ASMT: variants seen among roughly 807,000 people sequenced by gnomAD.
The protein encoded by ASMT is acetylserotonin N-methyltransferase.
In ASMT, 53 loss-of-function variants were observed where a neutral mutation model predicts 41.3. The ratio of observed to expected loss-of-function variants is 1.28; its 90% CI spans 1.03 to 1.61. The LOEUF (loss-of-function observed/expected upper bound fraction) is 1.61. Among genes scored for constraint, ASMT ranks in the 40% most tolerant of loss-of-function variants. The pLI, the probability that ASMT is intolerant of heterozygous loss-of-function variation, is 0.00. For synonymous variants in ASMT, 231 were observed against 184.8 expected (o/e 1.25, Z -2.03); for missense variants, 531 against 441.3 (o/e 1.20, Z -1.82).
chrX:1,637,009 A>T (rs1273687669), intron 8 of ASMT, among the ~76,000 whole-genome samples: 7 of 50,708 alleles, frequency 1.4e-4, no homozygotes, highest in Non-Finnish European at 2.1e-4. Flanking sequence ...TGTGATGGGG[A>T]CAGTGTCCCA....
intron 7 of ASMT, among the ~76,000 whole-genome samples, chrX:1,635,719 G>A (rs1472221343): frequency 8.6e-4 from 130 of 151,668 alleles, no homozygotes; most frequent in South Asian, 1.3e-3. Flanking sequence ...AAAATTAGCC[G>A]GGCGTGGTGG....
At chrX:1,627,404 C>T (rs1248679139) in intron 3 of ASMT, among the ~76,000 whole-genome samples, 2 of 151,820 alleles carry the variant, frequency 1.3e-5, no homozygotes, top group East Asian at 1.9e-4. Flanking sequence ...GGTGGATCAC[C>T]TGAGGTCACG....
At chrX:1,629,758 A>G in intron 4 of ASMT, 63 bp from the exon 5 acceptor site, 1 of 1,472,228 alleles carries the variant, frequency 6.8e-7, no homozygotes, top group African/African-American at 1.4e-5. Context: ...GGTTATGTAC[A>G]CCCTTGCTCT....
intron 2 of ASMT, 83 bp from the exon 3 acceptor site, chrX:1,624,186 C>T (rs1455396300): frequency 1.1e-4 from 175 of 1,533,444 alleles, no homozygotes; most frequent in Non-Finnish European, 1.5e-4. Context: ...GTTGAAATCA[C>T]GATGTTGTCG....
chrX:1,631,568 GGATA>G (rs1934777407), intron 5 of ASMT, among the ~76,000 whole-genome samples: 1 of 152,084 alleles, frequency 6.6e-6, no homozygotes, highest in Non-Finnish European at 1.5e-5. Flanking sequence ...CTGTGAGCAG[GGATA>G]GATAGAGTTC....
In ASMT at chrX:1,625,589, AAAGT is replaced by A. The variant is rs1367095532; in HGVS notation, c.374+1195_374+1198del. 6.6e-5 allele frequency among the ~76,000 whole-genome samples: 10 copies of A among 150,858 alleles called. No individual in the cohort carries two copies. In the South Asian group the frequency reaches 2.1e-3, roughly 32 times the overall value. On this transcript the variant is annotated intron_variant, in intron 3 of 8. Coordinates refer to ENST00000381241, the MANE Select transcript of ASMT (RefSeq NM_001171038.2). ...GGGAGGGAAAGAAGGGAAATAATGG[AAAGT>A]AAGAGAAAGAAAGAGAAGGAAGGAA...
In ASMT at chrX:1,627,773, TAACA is replaced by T; in HGVS notation, c.443+3_443+6del. On this transcript the variant is annotated splice_donor_5th_base_variant and intron_variant, in intron 4 of 8. Coordinates refer to ENST00000381241, the MANE Select transcript of ASMT (RefSeq NM_001171038.2). ...AGAGCTTTTTACGGCCATCTACAGGTAACACCCATCACTTTGAAACCAACAACTC... is the reference window on the plus strand; with the variant it reads ...AGAGCTTTTTACGGCCATCTACAGGTCCCATCACTTTGAAACCAACAACTC... 1.9e-6 allele frequency: 3 copies of T among 1,613,598 alleles called. No homozygotes were observed.
chrX:1,628,763 C>T (rs1440973075), intron 4 of ASMT, among the ~76,000 whole-genome samples: 2 of 150,970 alleles, frequency 1.3e-5, no homozygotes, highest in African/African-American at 4.9e-5. Flanking sequence ...CTCTTCTTCC[C>T]TCTCTCCTTT....
intron 1 of ASMT, among the ~76,000 whole-genome samples, chrX:1,616,992 G>A (rs1184521916): frequency 6.6e-6 from 1 of 152,094 alleles, no homozygotes; most frequent in Non-Finnish European, 1.5e-5. Context: ...ACAGGCGTGA[G>A]CCACTGTGCC....
In ASMT at chrX:1,621,554, G is replaced by C. The variant is rs1178762973; in HGVS notation, c.70-1585G>C. ...GTTAGCCCTGAACTCCTGACCTCAG[G>C]TGATCCGCCCACCTCGGCCTCCCAG... On this transcript the variant is annotated intron_variant, in intron 1 of 8. Coordinates refer to ENST00000381241, the MANE Select transcript of ASMT (RefSeq NM_001171038.2). 4.6e-5 allele frequency among the ~76,000 whole-genome samples: 7 copies of C among 152,104 alleles called. 1 individual carries two copies. The highest frequency in any genetic ancestry group is 1.7e-4 in the African/African-American group (7 of 41,516).
intron 7 of ASMT, 142 bp downstream of exon 7, chrX:1,633,432 C>A: frequency 1.1e-6 from 1 of 933,362 alleles, no homozygotes; most frequent in Non-Finnish European, 1.8e-6. Context: ...GTCTGTTATT[C>A]ATGATGGATG....
rs191496518 is a variant in ASMT, at chrX:1,618,398, G to A, written c.69+3130G>A. 2.1e-3 allele frequency among the ~76,000 whole-genome samples: 319 copies of A among 152,082 alleles called. 1 individual carries two copies. Among genetic ancestry groups the A allele is most frequent in the African/African-American group, 6.0e-3 (250 of 41,500 alleles). ...AGGCTGGTGTCGAACTCCTGACCTC[G>A]GGCGATCTGCCTGCCTCGGCCTTCC... On this transcript the variant is annotated intron_variant, in intron 1 of 8. Transcript: ENST00000381241.
At chrX:1,641,917 T>A (rs1274201849) in intron 8 of ASMT, among the ~76,000 whole-genome samples, 2 of 130,468 alleles carry the variant, frequency 1.5e-5, no homozygotes, top group African/African-American at 2.8e-5. Context: ...TCCATGAGGA[T>A]GTGGGCACAA....
At chrX:1,620,645 A>G (rs1389672009) in intron 1 of ASMT, among the ~76,000 whole-genome samples, 1 of 152,130 alleles carries the variant, frequency 6.6e-6, no homozygotes, top group Non-Finnish European at 1.5e-5. Flanking sequence ...TAAGAAAAAC[A>G]ACTAATACAC....
At chrX:1,636,632 G>A in intron 8 of ASMT, 72 bp downstream of exon 8, 4 of 1,611,554 alleles carry the variant, frequency 2.5e-6, no homozygotes, top group East Asian at 2.2e-5. Context: ...ACATTTAGAA[G>A]GCAGGCACTG....
chrX:1,621,069 CTG>C (rs1362972320), intron 1 of ASMT, among the ~76,000 whole-genome samples: 1 of 152,078 alleles, frequency 6.6e-6, no homozygotes, highest in Non-Finnish European at 1.5e-5. Flanking sequence ...GCACTCCAGC[CTG>C]GGTGACAGAG....
chrX:1,617,620 CCTTTTTTTTTTT>C (rs1934184287), intron 1 of ASMT, among the ~76,000 whole-genome samples: 1 of 150,838 alleles, frequency 6.6e-6, no homozygotes, highest in South Asian at 2.1e-4. Flanking sequence ...TTGTTTTTTT[CCTTTTTTTTTTT>C]CAGACAGAGT....
chrX:1,620,953 G>T (rs1449561284), intron 1 of ASMT, among the ~76,000 whole-genome samples: 1 of 150,946 alleles, frequency 6.6e-6, no homozygotes, highest in South Asian at 2.1e-4. Context: ...AAATTTAGCC[G>T]GGTGTGGTGG....
At chrX:1,626,986 G>T (rs1483733398) in intron 3 of ASMT, among the ~76,000 whole-genome samples, 1 of 149,646 alleles carries the variant, frequency 6.7e-6, no homozygotes, top group Non-Finnish European at 1.5e-5. Flanking sequence ...CCAAGATCGC[G>T]CCATTGCACT....
Sources: allele counts gnomAD v4.1 joint callset (sites outside exome capture counted in the v4.1 genomes callset), GRCh38; gene constraint gnomAD v4.1.1; transcripts MANE v1.5; gene names NCBI Gene and HGNC (gene_info 2026-07-23, HGNC 2026-07-21).